PLEKHA7: variants seen among roughly 807,000 people sequenced by gnomAD.
The protein encoded by PLEKHA7 is pleckstrin homology domain containing A7.
PLEKHA7 carries 104 observed loss-of-function variants against 170.0 expected under a neutral mutation model. The observed-to-expected ratio is 0.61, with a 90% CI of 0.52 to 0.72. The LOEUF (loss-of-function observed/expected upper bound fraction) is 0.72, where lower values mean the gene tolerates loss of function less well. Among genes scored for constraint, PLEKHA7 ranks in the 30% least tolerant of loss-of-function variants. The probability of loss-of-function intolerance (pLI) is 0.00; values close to 1 mark genes in which losing one functional copy is unlikely to be tolerated. For missense variants in PLEKHA7, 1,615 were observed against 1,671.7 expected (o/e 0.97, Z 0.59); for synonymous variants, 648 against 660.8 (o/e 0.98, Z 0.30).
At chr11:16,901,966 CT>C (rs1280962809) in intron 3 of PLEKHA7, among the ~76,000 whole-genome samples, 1 of 152,178 alleles carries the variant, frequency 6.6e-6, no homozygotes, top group African/African-American at 2.4e-5. Context: ...TTTCATTGCC[CT>C]AAATGGAAGT....
intron 4 of PLEKHA7, among the ~76,000 whole-genome samples, chr11:16,870,705 T>A (rs12292955): frequency 0.059 from 8,772 of 149,708 alleles, 827 homozygotes; most frequent in African/African-American, 0.2. Flanking sequence ...CTCAAATCCA[T>A]CCTCCCACCT....
intron 3 of PLEKHA7, among the ~76,000 whole-genome samples, chr11:16,898,041 T>C (rs1186353692): frequency 6.6e-6 from 1 of 152,080 alleles, no homozygotes; most frequent in Non-Finnish European, 1.5e-5. Context: ...TTCTGACTGA[T>C]GGAAGAAAAA....
intron 3 of PLEKHA7, among the ~76,000 whole-genome samples, chr11:16,907,702 G>T (rs1227334231): frequency 6.7e-5 from 9 of 134,594 alleles, no homozygotes; most frequent in South Asian, 5.1e-4. Context: ...GCCTCTGCCC[G>T]GCCGCCCCTA....
At chr11:16,782,173 CCACA>C (rs1554909725) in intron 26 of PLEKHA7, among the ~76,000 whole-genome samples, 26 of 151,268 alleles carry the variant, frequency 1.7e-4, no homozygotes, top group African/African-American at 6.1e-4. Flanking sequence ...ACACACACAC[CCACA>C]CACACACGTT....
At chr11:16,964,516 C>A (rs1268461493) in intron 3 of PLEKHA7, among the ~76,000 whole-genome samples, 1 of 152,180 alleles carries the variant, frequency 6.6e-6, no homozygotes, top group Non-Finnish European at 1.5e-5. Context: ...TTCCCTCATA[C>A]CCCAGGATGT....
intron 3 of PLEKHA7, among the ~76,000 whole-genome samples, chr11:16,937,603 T>G (rs912944645): frequency 6.6e-6 from 1 of 151,934 alleles, no homozygotes; most frequent in Non-Finnish European, 1.5e-5. Flanking sequence ...TTAACTAGGA[T>G]GTTTTTCTTT....
intron 8 of PLEKHA7, 79 bp downstream of exon 8, chr11:16,851,112 A>C (rs1852907355): frequency 8.5e-7 from 1 of 1,175,244 alleles, no homozygotes; most frequent in Non-Finnish European, 1.2e-6. Context: ...TCCCGACAAA[A>C]GCAACTGCTT....
At chr11:16,779,956 T>A (rs1465459940) in intron 26 of PLEKHA7, among the ~76,000 whole-genome samples, 1 of 134,904 alleles carries the variant, frequency 7.4e-6, no homozygotes, top group Non-Finnish European at 1.6e-5. Context: ...TCTGAGCTTT[T>A]GTTTTTTCAT....
intron 10 of PLEKHA7, among the ~76,000 whole-genome samples, chr11:16,824,659 T>C (rs1850494636): frequency 6.6e-6 from 1 of 152,264 alleles, no homozygotes; most frequent in Admixed American, 6.5e-5. Context: ...ATTGTCACCC[T>C]CCTGGACTAC....
chr11:16,783,489 G>A (rs1339461165), intron 25 of PLEKHA7, among the ~76,000 whole-genome samples: 1 of 152,226 alleles, frequency 6.6e-6, no homozygotes, highest in Non-Finnish European at 1.5e-5. Flanking sequence ...AAGCCTCTAC[G>A]AATGTTGCAG....
intron 3 of PLEKHA7, among the ~76,000 whole-genome samples, chr11:16,951,205 G>T (rs1861384614): frequency 6.6e-6 from 1 of 152,188 alleles, no homozygotes; most frequent in East Asian, 1.9e-4. Context: ...CAGCTGGAAA[G>T]TGGAATACTG....
chr11:16,983,248 A>G (rs1863544739), intron 3 of PLEKHA7, among the ~76,000 whole-genome samples: 6 of 152,232 alleles, frequency 3.9e-5, no homozygotes, highest in Admixed American at 3.9e-4. Flanking sequence ...TGAGAATGTG[A>G]CAATTACAGG....
In PLEKHA7 at chr11:16,859,211, T is replaced by A. The variant is rs147487747; in HGVS notation, c.306-3297A>T. On this transcript the variant is annotated intron_variant, in intron 4 of 26. Transcript: ENST00000531066. ...CTTGGCAGTCCCTGACCTGGCTCTTTGAAAGGACAAGGCACACACAGCTAC... is the reference window on the plus strand; with the variant it reads ...CTTGGCAGTCCCTGACCTGGCTCTTAGAAAGGACAAGGCACACACAGCTAC... Among the ~76,000 whole-genome samples, 6 of 152,314 alleles carry A rather than the reference T, an allele frequency of 3.9e-5. No individual in the cohort carries two copies. The East Asian group carries it at 1.2e-3, about 29-fold the overall frequency.
chr11:16,848,789 C>T (rs530384427), intron 8 of PLEKHA7, among the ~76,000 whole-genome samples: 15 of 152,206 alleles, frequency 9.9e-5, no homozygotes, highest in Admixed American at 2.0e-4. Context: ...AGGCCAAGTA[C>T]GGTGGATACT....
At chr11:16,992,485 T>C (rs572470176) in intron 3 of PLEKHA7, among the ~76,000 whole-genome samples, 2 of 152,204 alleles carry the variant, frequency 1.3e-5, no homozygotes, top group Non-Finnish European at 1.5e-5. Context: ...CTGGGTGCAG[T>C]GGCTCACGCC....
At chr11:16,935,830 C>T (rs1332065614) in intron 3 of PLEKHA7, among the ~76,000 whole-genome samples, 1 of 152,162 alleles carries the variant, frequency 6.6e-6, no homozygotes, top group Admixed American at 6.5e-5. Context: ...TTTTTTATCA[C>T]CAGAATTCAC....
chr11:16,928,027 C>T (rs894904658), intron 3 of PLEKHA7, among the ~76,000 whole-genome samples: 10 of 152,084 alleles, frequency 6.6e-5, no homozygotes, highest in Non-Finnish European at 8.8e-5. Context: ...TGGTAAGCAC[C>T]TGTGTTTATT....
chr11:16,917,154 A>G (rs1189269775), intron 3 of PLEKHA7, among the ~76,000 whole-genome samples: 2 of 152,052 alleles, frequency 1.3e-5, no homozygotes, highest in African/African-American at 4.8e-5. Context: ...AGGAGGTGGA[A>G]TTTGCAGTGA....
intron 13 of PLEKHA7, among the ~76,000 whole-genome samples, chr11:16,810,954 G>C (rs942747559): frequency 6.6e-6 from 1 of 152,114 alleles, no homozygotes; most frequent in African/African-American, 2.4e-5. Context: ...TCCCTTACAG[G>C]GCCACTTTGG....
Sources: allele counts gnomAD v4.1 joint callset (sites outside exome capture counted in the v4.1 genomes callset), GRCh38; gene constraint gnomAD v4.1.1; transcripts MANE v1.5; gene names NCBI Gene and HGNC (gene_info 2026-07-23, HGNC 2026-07-21).